The following BRME1 variants were observed in gnomAD, a reference collection of about 807,000 sequenced individuals.
BRME1 encodes the protein BRCA2 and MEILB2-associating protein 1.
In BRME1, 31 loss-of-function variants were observed where a neutral mutation model predicts 52.6. The ratio of observed to expected loss-of-function variants is 0.59; its 90% CI spans 0.44 to 0.80. The LOEUF (loss-of-function observed/expected upper bound fraction) is 0.80, where lower values mean the gene tolerates loss of function less well. Ranked by LOEUF, BRME1 falls within the 30% of genes least tolerant of loss-of-function variation. BRME1 has a pLI of 0.00. For missense variants in BRME1, 804 were observed against 860.3 expected (o/e 0.93, Z 0.82); for synonymous variants, 359 against 353.6 (o/e 1.02, Z -0.17).
chr19:13,901,943 G>A (rs980342203), intron 2 of BRME1, among the ~76,000 whole-genome samples: 3 of 151,662 alleles, frequency 2.0e-5, no homozygotes, highest in African/African-American at 7.3e-5. Flanking sequence ...CGGAGGCTGA[G>A]GTGGGAAGAT....
chr19:13,892,493 G>A (rs889699108), intron 5 of BRME1, among the ~76,000 whole-genome samples: 3 of 152,082 alleles, frequency 2.0e-5, no homozygotes, highest in Admixed American at 6.6e-5. Context: ...AGGCTGAGGC[G>A]GGAGAATTGC....
intron 2 of BRME1, among the ~76,000 whole-genome samples, chr19:13,903,185 G>A (rs1267530344): frequency 6.6e-6 from 1 of 152,122 alleles, no homozygotes; most frequent in African/African-American, 2.4e-5. Context: ...ACTACCTTAG[G>A]TCAGTTCTGG....
At chr19:13,885,837 C>A (rs377445970) in intron 7 of BRME1, 124 bp downstream of exon 7, 13 of 763,880 alleles carry the variant, frequency 1.7e-5, no homozygotes, top group Non-Finnish European at 2.8e-5. Context: ...GCTCAGCTCC[C>A]CTGCTGGACT....
chr19:13,890,022 A>G lies in BRME1; in HGVS notation c.834T>C (p.Cys278=). 1 of 1,613,282 alleles carries G rather than the reference A, an allele frequency of 6.2e-7. No homozygotes were observed. Among genetic ancestry groups the G allele is most frequent in the Non-Finnish European group, 8.5e-7 (1 of 1,179,926 alleles). The change falls in exon 6 of 9, where the codon TGT becomes TGC. Residue 278 remains cysteine (C), a synonymous_variant. Coordinates refer to ENST00000586783, the MANE Select transcript of BRME1 (RefSeq NM_001345843.2). The part of the protein sequence containing the change: ...GPQEEGDGVP[C]TPASAPTSGP... ...CTGAGGTAGGAGCTGATGCTGGGGT[A>G]CAGGGGACACCGTCTCCCTCCTCCT...
At chr19:13,887,164 G>T (rs116445159) in intron 6 of BRME1, among the ~76,000 whole-genome samples, 204 of 152,352 alleles carry the variant, frequency 1.3e-3, no homozygotes, top group African/African-American at 4.7e-3. Context: ...AGTGAGGTCA[G>T]GAGGAGGTGC....
Position 13,882,755 on chromosome 19 carries a change from C to T in BRME1, c.*47G>A, listed in dbSNP as rs374528293. 373 of 1,609,200 alleles carry T rather than the reference C, an allele frequency of 2.3e-4. No homozygotes were observed. The highest frequency in any genetic ancestry group is 3.0e-4 in the Non-Finnish European group (350 of 1,178,420). On this transcript the variant is annotated 3_prime_UTR_variant, in exon 9 of 9. Transcript: ENST00000586783. ...CCTGGAGCATCTTGGAGGAGGTCTG[C>T]GGACATGGGGGCTGGGTGGCAAAGG... is the stretch of plus-strand genomic sequence containing the variant.
intron 5 of BRME1, 58 bp downstream of exon 5, chr19:13,892,728 G>C: frequency 7.0e-7 from 1 of 1,431,954 alleles, no homozygotes; most frequent in South Asian, 1.1e-5. Context: ...GGCTGCCGAG[G>C]CTGGGCCAGG....
chr19:13,892,725 G>T, intron 5 of BRME1, 61 bp downstream of exon 5: 1 of 1,407,486 alleles, frequency 7.1e-7, no homozygotes, highest in South Asian at 1.2e-5. Context: ...TGGGGCTGCC[G>T]AGGCTGGGCC....
intron 1 of BRME1, among the ~76,000 whole-genome samples, chr19:13,905,400 T>C (rs8104649): frequency 0.35 from 53,437 of 151,186 alleles, 12,743 homozygotes; most frequent in African/African-American, 0.69. Context: ...CCCAGCTACT[T>C]GGGAGGCTGA....
In BRME1 at chr19:13,890,350, C is replaced by G. The variant is rs745967261; in HGVS notation, c.506G>C (p.Ser169Thr). 4.3e-5 allele frequency: 68 copies of G among 1,575,874 alleles called. No individual in the cohort carries two copies. Among genetic ancestry groups the G allele is most frequent in the Non-Finnish European group, 5.7e-5 (66 of 1,163,352 alleles). ...TELGDPTQAD[S>T]ARPEQSSQSP... ...CTGGCTGCTCTGCTCAGGGCGGGCA[C>G]TGTCTGCCTGCGTTGGGTCCCCCAG... Residue 169 changes from serine to threonine, a missense_variant, in exon 6 of 9, where the codon AGT (serine) becomes ACT (threonine). Ser to Thr is a moderately conservative substitution (Grantham distance 58). This residue lies in a region of BRME1 where 234 missense variants were observed against 258.1 expected (regional missense o/e 0.91). Coordinates refer to ENST00000586783, the MANE Select transcript of BRME1 (RefSeq NM_001345843.2).
In BRME1 at chr19:13,883,432, C is replaced by G; in HGVS notation, c.1764-32G>C. The G allele has an allele frequency of 6.7e-7, 1 of 1,483,602 alleles. No individual in the cohort carries two copies. The highest frequency in any genetic ancestry group is 9.1e-7 in the Non-Finnish European group (1 of 1,100,202). 91.9% of individuals were successfully genotyped at this position (1,483,602 alleles called of 1,614,324 possible). The stretch of plus-strand genomic sequence containing the variant: ...AGCAGGGAAGGAAATTGAGAGTGGC[C>G]CGACCTCACTGGACTACCAGAGCTC... On this transcript the variant is annotated intron_variant, in intron 7 of 8. Coordinates refer to ENST00000586783, the MANE Select transcript of BRME1 (RefSeq NM_001345843.2). The surrounding 1 kb of genome is among the most constrained non-coding windows in gnomAD (Gnocchi z 4.2).
chr19:13,882,835 G>T lies in BRME1; in HGVS notation c.1974C>A (p.Ile658=), dbSNP rs1599310057. The change falls in exon 9 of 9, where the codon ATC becomes ATA. Residue 658 remains isoleucine, a synonymous_variant. Coordinates refer to ENST00000586783, the MANE Select transcript of BRME1 (RefSeq NM_001345843.2). ...LPYPSKGPGN[I]PRGDPPWREL is the part of the protein sequence containing the mutation. ...CCCTCCAGGGTGGGTCCCCTCGAGG[G>T]ATATTCCCAGGCCCCTTGGAAGGGT... The T allele has an allele frequency of 6.2e-7, 1 of 1,613,998 alleles. No individual in the cohort carries two copies. Among genetic ancestry groups the T allele is most frequent in the Non-Finnish European group, 8.5e-7 (1 of 1,179,974 alleles).
Position 13,892,849 on chromosome 19 carries a change from C to T in BRME1, c.330G>A (p.Arg110=), listed in dbSNP as rs1231286455. 22 of 1,614,068 alleles carry T rather than the reference C, an allele frequency of 1.4e-5. No homozygotes were observed. In the Admixed American group the frequency reaches 3.7e-4, roughly 27 times the overall value. ...TCTCTTCTTTTCTTGTCACTGTCTT[C>T]CTGGATTTTGCAAACTGGGGAACAA... The part of the protein sequence containing the change: ...GRFVPQFAKS[R]KTVTRKEEMK... Residue 110 remains arginine (R), a synonymous_variant, in exon 5 of 9, where the codon AGG becomes AGA. Coordinates refer to ENST00000586783, the MANE Select transcript of BRME1 (RefSeq NM_001345843.2).
intron 5 of BRME1, among the ~76,000 whole-genome samples, chr19:13,891,166 T>C (rs1969472443): frequency 6.6e-6 from 1 of 151,058 alleles, no homozygotes; most frequent in African/African-American, 2.4e-5. Context: ...ATTATTATTA[T>C]TAGACAGAGT....
At position 13,889,800 on chromosome 19, in the gene BRME1, CCT is replaced by C; in HGVS notation, c.1054_1055del (p.Arg352GlyfsTer25). The C allele has an allele frequency of 6.2e-7, 1 of 1,612,938 alleles. No individual in the cohort carries two copies. The highest frequency in any genetic ancestry group is 1.1e-5 in the South Asian group (1 of 91,090). ...LSTDPTELEE[R>X]ALEVAGPDGQ... is the part of the protein sequence containing the mutation. The stretch of plus-strand genomic sequence containing the variant: ...CATCGGGCCCAGCCACCTCCAGAGC[CCT>C]CTCTTCCAGCTCAGTGGGGTCTGTG... On this transcript the variant is annotated frameshift_variant, in exon 6 of 9. Coordinates refer to ENST00000586783, the MANE Select transcript of BRME1 (RefSeq NM_001345843.2). LOFTEE classifies it high-confidence loss of function.
chr19:13,896,332 A>G (rs1969888766), intron 2 of BRME1, among the ~76,000 whole-genome samples: 1 of 148,016 alleles, frequency 6.8e-6, no homozygotes, highest in Admixed American at 6.8e-5. Flanking sequence ...TATTTAATAT[A>G]TACATACATA....
Position 13,883,394 on chromosome 19 carries a change from G to A in BRME1, c.1770C>T (p.Phe590=), listed in dbSNP as rs771942466. ...VAVAKAQPRT[F]VGIQASEASR... is the part of the protein sequence containing the mutation. ...AGGCCTCAGAGGCCTGGATCCCCAC[G>A]AAGGTCCTGGCCAGCAGGGAAGGAA... Residue 590 remains phenylalanine (F), a synonymous_variant, in exon 8 of 9, where the codon TTC becomes TTT. Transcript: ENST00000586783. This position sits in a 1 kb window ranked among gnomAD's most constrained non-coding sequence, Gnocchi z 4.2. The A allele has an allele frequency of 7.2e-6, 11 of 1,533,550 alleles. No individual in the cohort carries two copies. The highest frequency in any genetic ancestry group is 3.9e-5 in the Admixed American group (2 of 50,982). The allele number at this position is 1,533,550 out of a possible 1,614,324, so 95.0% of individuals were successfully genotyped here.
intron 2 of BRME1, among the ~76,000 whole-genome samples, chr19:13,897,969 G>A (rs1204296416): frequency 6.6e-6 from 1 of 151,822 alleles, no homozygotes; most frequent in Non-Finnish European, 1.5e-5. Flanking sequence ...CATGGTGGTG[G>A]GCACCTGTAA....
chr19:13,895,425 T>C lies in BRME1; in HGVS notation c.153A>G (p.Gly51=). The C allele has an allele frequency of 6.2e-7, 1 of 1,614,036 alleles. No homozygotes were observed. Among genetic ancestry groups the C allele is most frequent in the South Asian group, 1.1e-5 (1 of 91,070 alleles). Residue 51 remains glycine, a synonymous_variant, in exon 3 of 9, where the codon GGA becomes GGG. Transcript: ENST00000586783. ...HHPEEPEGKL[G]PVPSTQQHGE... ...CGTGCTGCTGTGTAGAGGGAACAGGTCCCAATTTGCCCTCTGGCTCCTCAG... is the reference window on the plus strand; with the variant it reads ...CGTGCTGCTGTGTAGAGGGAACAGGCCCCAATTTGCCCTCTGGCTCCTCAG...
Sources: allele counts gnomAD v4.1 joint callset (sites outside exome capture counted in the v4.1 genomes callset), GRCh38; gene constraint gnomAD v4.1.1; regional missense constraint gnomAD v4.1.1; non-coding constraint Gnocchi (gnomAD v3.1); transcripts MANE v1.5; gene names NCBI Gene and HGNC (gene_info 2026-07-23, HGNC 2026-07-21).